WDPCP: variants seen among roughly 807,000 people sequenced by gnomAD.
The protein encoded by WDPCP is WD repeat-containing and planar cell polarity effector protein fritz homolog.
WDPCP carries 71 observed loss-of-function variants against 93.1 expected under a neutral mutation model. The ratio of observed to expected loss-of-function variants is 0.76; its 90% CI spans 0.63 to 0.93. The LOEUF (loss-of-function observed/expected upper bound fraction) is 0.93. Among genes scored for constraint, WDPCP ranks in the 40% least tolerant of loss-of-function variants. The pLI, the probability that WDPCP is intolerant of heterozygous loss-of-function variation, is 0.00. For synonymous variants in WDPCP, 315 were observed against 315.0 expected, an observed-to-expected ratio of 1.00 and a Z score of 0.00; for missense variants, 844 against 887.4, an observed-to-expected ratio of 0.95 and a Z score of 0.62.
chr2:63,144,301 G>T (rs1671315131), intron 17 of WDPCP, among the ~76,000 whole-genome samples: 1 of 142,146 alleles, frequency 7.0e-6, no homozygotes, highest in Non-Finnish European at 1.5e-5. Context: ...TTTATTTTGA[G>T]ACGGAGTCTC....
intron 12 of WDPCP, among the ~76,000 whole-genome samples, chr2:63,356,042 G>GTAA (rs1470091244): frequency 5.3e-5 from 8 of 152,086 alleles, no homozygotes; most frequent in African/African-American, 1.9e-4. Flanking sequence ...CAACTCACAG[G>GTAA]TAATAACACT....
intron 10 of WDPCP, among the ~76,000 whole-genome samples, chr2:63,401,907 C>T (rs1694180846): frequency 6.6e-6 from 1 of 152,146 alleles, no homozygotes; most frequent in African/African-American, 2.4e-5. Context: ...TTGTGGAAGA[C>T]AGTATGGTGA....
At chr2:63,653,797 T>G (rs1434941985) in intron 2 of WDPCP, among the ~76,000 whole-genome samples, 1 of 151,670 alleles carries the variant, frequency 6.6e-6, no homozygotes, top group East Asian at 1.9e-4. Context: ...ATAATCCCAG[T>G]TACTCGGGAG....
At chr2:63,484,173 T>C (rs555822716) in intron 6 of WDPCP, among the ~76,000 whole-genome samples, 12 of 152,012 alleles carry the variant, frequency 7.9e-5, no homozygotes, top group Non-Finnish European at 1.8e-4. Context: ...CTTGTTATGA[T>C]AGGTCTAACT....
intron 1 of WDPCP, among the ~76,000 whole-genome samples, chr2:63,559,406 T>C (rs1321026737): frequency 6.6e-6 from 1 of 152,152 alleles, no homozygotes; most frequent in African/African-American, 2.4e-5. Context: ...CAACATAGTA[T>C]TGGAATTTCT....
At chr2:63,444,971 C>G (rs1697750704) in intron 6 of WDPCP, among the ~76,000 whole-genome samples, 1 of 152,138 alleles carries the variant, frequency 6.6e-6, no homozygotes. Context: ...AAATGATTCT[C>G]ACAATCCCCA....
intron 2 of WDPCP, among the ~76,000 whole-genome samples, chr2:63,686,987 C>T (rs1340458155): frequency 1.3e-5 from 2 of 152,136 alleles, no homozygotes; most frequent in Non-Finnish European, 2.9e-5. Context: ...CAGGAGAGTC[C>T]AATCTTTTGG....
At chr2:63,413,419 C>A (rs1457253724) in intron 9 of WDPCP, among the ~76,000 whole-genome samples, 1 of 152,082 alleles carries the variant, frequency 6.6e-6, no homozygotes. Flanking sequence ...TATAAAAATT[C>A]TAGAAGATAA....
intron 14 of WDPCP, among the ~76,000 whole-genome samples, chr2:63,191,771 C>G (rs892237401): frequency 6.6e-6 from 1 of 152,006 alleles, no homozygotes. Context: ...GGCCCACAAT[C>G]TAAGAATGGT....
chr2:63,300,494 G>A (rs554679210), intron 13 of WDPCP, among the ~76,000 whole-genome samples: 1 of 152,132 alleles, frequency 6.6e-6, no homozygotes, highest in Non-Finnish European at 1.5e-5. Context: ...TCTGGCCAGA[G>A]CTCCCACCTG....
intron 2 of WDPCP, among the ~76,000 whole-genome samples, chr2:63,695,501 T>C (rs1668950472): frequency 6.6e-6 from 1 of 152,236 alleles, no homozygotes; most frequent in Admixed American, 6.5e-5. Flanking sequence ...AAATTATTCA[T>C]TGTTTACCTG....
chr2:63,744,881 CATT>C (rs757252968), intron 2 of WDPCP, among the ~76,000 whole-genome samples: 8 of 152,058 alleles, frequency 5.3e-5, no homozygotes, highest in South Asian at 2.1e-4. Context: ...GAAATTTCAT[CATT>C]AAATATATTC....
intron 2 of WDPCP, among the ~76,000 whole-genome samples, chr2:63,679,930 C>A (rs1710471583): frequency 6.6e-6 from 1 of 152,162 alleles, no homozygotes; most frequent in African/African-American, 2.4e-5. Flanking sequence ...CTAAAGCCCC[C>A]ACTACAAGGT....
chr2:63,765,707 G>A (rs560676171), intron 2 of WDPCP, among the ~76,000 whole-genome samples: 56 of 152,306 alleles, frequency 3.7e-4, no homozygotes, highest in African/African-American at 1.2e-3. Context: ...TCTCAGACCA[G>A]GAACCACAGC....
chr2:63,697,555 G>A (rs1404260361), intron 2 of WDPCP, among the ~76,000 whole-genome samples: 2 of 152,156 alleles, frequency 1.3e-5, no homozygotes, highest in African/African-American at 2.4e-5. Context: ...CTGCCATGGT[G>A]TTAATAGTAT....
chr2:63,287,588 A>AT (rs1684104839), intron 13 of WDPCP, among the ~76,000 whole-genome samples: 1 of 152,018 alleles, frequency 6.6e-6, no homozygotes, highest in African/African-American at 2.4e-5. Flanking sequence ...CTTCTATTTC[A>AT]TTCTGTTTTA....
intron 1 of WDPCP, among the ~76,000 whole-genome samples, chr2:63,566,469 A>G (rs1426785914): frequency 2.6e-5 from 4 of 152,158 alleles, no homozygotes; most frequent in Non-Finnish European, 4.4e-5. Context: ...GTCTCCCTAA[A>G]TGTGTAAAAC....
At chr2:63,201,357 T>C (rs1226934112) in intron 14 of WDPCP, among the ~76,000 whole-genome samples, 1 of 152,166 alleles carries the variant, frequency 6.6e-6, no homozygotes, top group Non-Finnish European at 1.5e-5. Context: ...CTTTTAGCAA[T>C]GTGAGAATGG....
chr2:63,277,254 A>G (rs1432902550), intron 13 of WDPCP, among the ~76,000 whole-genome samples: 1 of 152,154 alleles, frequency 6.6e-6, no homozygotes, highest in Non-Finnish European at 1.5e-5. Flanking sequence ...TAAATCCTCA[A>G]AACACACCAA....
Sources: allele counts gnomAD v4.1 joint callset (sites outside exome capture counted in the v4.1 genomes callset), GRCh38; gene constraint gnomAD v4.1.1; transcripts MANE v1.5; gene names NCBI Gene and HGNC (gene_info 2026-07-23, HGNC 2026-07-21).